AGBL4: variants seen among roughly 807,000 people sequenced by gnomAD.
AGBL4 encodes the protein AGBL carboxypeptidase 4.
AGBL4 carries 58 observed loss-of-function variants against 66.4 expected under a neutral mutation model. The ratio of observed to expected loss-of-function variants is 0.87; its 90% CI spans 0.71 to 1.09. The LOEUF (loss-of-function observed/expected upper bound fraction) is 1.09. Ranked by LOEUF, AGBL4 falls within the 50% of genes least tolerant of loss-of-function variation. The pLI is 0.00. For synonymous variants in AGBL4, 234 were observed against 222.9 expected, an observed-to-expected ratio of 1.05 and a Z score of -0.44; for missense variants, 579 against 631.0, an observed-to-expected ratio of 0.92 and a Z score of 0.88.
At chr1:48,546,247 C>T (rs1242836981) in intron 11 of AGBL4, among the ~76,000 whole-genome samples, 3 of 152,192 alleles carry the variant, frequency 2.0e-5, no homozygotes, top group South Asian at 2.1e-4. Context: ...TTCAGAGTCT[C>T]GTGGCTTGAA....
Position 49,750,223 on chromosome 1 carries a change from T to G in AGBL4, c.158-52786A>C, listed in dbSNP as rs183009199. Among the ~76,000 whole-genome samples the G allele has an allele frequency of 2.0e-5, 3 of 152,230 alleles. No homozygotes were observed. The East Asian group carries it at 5.8e-4, about 29-fold the overall frequency. ...AGGTTTTCTTCTAGGCTTTTTATGG[T>G]TTTAGGTCTTAAATTTAAATCTTTA... On this transcript the variant is annotated intron_variant, in intron 2 of 13. Coordinates refer to ENST00000371839, the MANE Select transcript of AGBL4 (RefSeq NM_032785.4).
At chr1:49,757,659 T>C (rs1452796816) in intron 2 of AGBL4, among the ~76,000 whole-genome samples, 1 of 152,192 alleles carries the variant, frequency 6.6e-6, no homozygotes, top group Non-Finnish European at 1.5e-5. Flanking sequence ...ACTCTTACTA[T>C]GCTTTAGCAA....
At chr1:49,514,888 A>C (rs1649636423) in intron 3 of AGBL4, among the ~76,000 whole-genome samples, 1 of 152,152 alleles carries the variant, frequency 6.6e-6, no homozygotes, top group East Asian at 1.9e-4. Flanking sequence ...AAATTAATTC[A>C]AGATGGATTA....
intron 1 of AGBL4, among the ~76,000 whole-genome samples, chr1:49,957,179 T>G (rs1287132396): frequency 6.6e-6 from 1 of 151,942 alleles, no homozygotes; most frequent in Non-Finnish European, 1.5e-5. Flanking sequence ...TGTAATTAAA[T>G]AAGCGTTTTA....
intron 1 of AGBL4, among the ~76,000 whole-genome samples, chr1:49,882,265 G>C (rs1355685261): frequency 2.1e-4 from 31 of 150,236 alleles, no homozygotes; most frequent in South Asian, 8.6e-4. Flanking sequence ...TTTGGTACCA[G>C]TACCATGCTG....
chr1:48,884,480 A>C (rs1453886866), intron 5 of AGBL4, among the ~76,000 whole-genome samples: 1 of 151,938 alleles, frequency 6.6e-6, no homozygotes, highest in Non-Finnish European at 1.5e-5. Flanking sequence ...AATTATTTGC[A>C]TTCTTCTTAT....
chr1:49,976,448 C>T (rs770837904), intron 1 of AGBL4, among the ~76,000 whole-genome samples: 44 of 152,018 alleles, frequency 2.9e-4, no homozygotes, highest in Non-Finnish European at 4.9e-4. Flanking sequence ...AAATAAAATG[C>T]CATGATAGTT....
intron 4 of AGBL4, among the ~76,000 whole-genome samples, chr1:49,236,233 G>A (rs1650732636): frequency 6.6e-6 from 1 of 151,866 alleles, no homozygotes; most frequent in Admixed American, 6.6e-5. Flanking sequence ...TCACCATGTT[G>A]GCCAGGCTGG....
intron 4 of AGBL4, among the ~76,000 whole-genome samples, chr1:49,183,385 C>T (rs997942863): frequency 2.0e-5 from 3 of 152,156 alleles, no homozygotes; most frequent in African/African-American, 7.2e-5. Flanking sequence ...CCCTCCATCT[C>T]AGGGGAATTA....
intron 3 of AGBL4, among the ~76,000 whole-genome samples, chr1:49,416,930 G>T (rs951662276): frequency 3.9e-5 from 6 of 152,022 alleles, no homozygotes; most frequent in Non-Finnish European, 8.8e-5. Context: ...TATGATTGTT[G>T]AAATAATAAA....
At chr1:49,516,073 C>G (rs187702503) in intron 3 of AGBL4, among the ~76,000 whole-genome samples, 27 of 150,686 alleles carry the variant, frequency 1.8e-4, no homozygotes, top group South Asian at 6.3e-4. Context: ...TGCCCCCCCC[C>G]ACAAAAAAAA....
At chr1:49,422,302 T>A (rs1474396570) in intron 3 of AGBL4, among the ~76,000 whole-genome samples, 1 of 152,190 alleles carries the variant, frequency 6.6e-6, no homozygotes, top group African/African-American at 2.4e-5. Flanking sequence ...TAAAAGTGCA[T>A]CAAACTGCTT....
At chr1:49,851,867 A>C (rs1244442492) in intron 1 of AGBL4, among the ~76,000 whole-genome samples, 8 of 152,130 alleles carry the variant, frequency 5.3e-5, no homozygotes, top group African/African-American at 1.7e-4. Flanking sequence ...AATCCAAGAG[A>C]TATTCATTAA....
intron 11 of AGBL4, among the ~76,000 whole-genome samples, chr1:48,544,488 T>C (rs1644127651): frequency 6.6e-6 from 1 of 152,166 alleles, no homozygotes; most frequent in Non-Finnish European, 1.5e-5. Context: ...ATCTCACATG[T>C]TATTGTAGTA....
intron 11 of AGBL4, among the ~76,000 whole-genome samples, chr1:48,566,973 A>G (rs999146591): frequency 6.6e-6 from 1 of 152,176 alleles, no homozygotes; most frequent in Admixed American, 6.5e-5. Flanking sequence ...TACAAAAACA[A>G]TTAAAAAACT....
chr1:48,733,167 G>C (rs1648429115), intron 6 of AGBL4, among the ~76,000 whole-genome samples: 1 of 152,176 alleles, frequency 6.6e-6, no homozygotes, highest in African/African-American at 2.4e-5. Flanking sequence ...GGGTGACAGA[G>C]TGCCCTTTAA....
chr1:49,203,868 C>T (rs1394537756), intron 4 of AGBL4, among the ~76,000 whole-genome samples: 7 of 152,114 alleles, frequency 4.6e-5, no homozygotes, highest in Non-Finnish European at 1.0e-4. Context: ...TGTTGTACAA[C>T]AATATGCATG....
intron 4 of AGBL4, among the ~76,000 whole-genome samples, chr1:49,105,936 CTT>C (rs2148010394): frequency 6.6e-6 from 1 of 152,228 alleles, no homozygotes; most frequent in Admixed American, 6.5e-5. Context: ...TGACTAAACT[CTT>C]TTTATAGAAA....
chr1:49,326,021 C>T (rs930934122), intron 3 of AGBL4, among the ~76,000 whole-genome samples: 2 of 152,138 alleles, frequency 1.3e-5, no homozygotes, highest in East Asian at 3.8e-4. Context: ...GCCAATTAAA[C>T]TTATTTTCTT....
Sources: allele counts gnomAD v4.1 joint callset (sites outside exome capture counted in the v4.1 genomes callset), GRCh38; gene constraint gnomAD v4.1.1; transcripts MANE v1.5; gene names NCBI Gene and HGNC (gene_info 2026-07-23, HGNC 2026-07-21).